Variants in IQSEC1 observed in about 807,000 individuals in gnomAD.
The protein encoded by IQSEC1 is IQ motif and Sec7 domain ArfGEF 1.
A neutral mutation model predicts 91.0 loss-of-function variants in IQSEC1; 31 were observed. That is an observed-to-expected ratio of 0.34 (90% CI 0.26 to 0.46). IQSEC1 has a LOEUF of 0.46. Among genes scored for constraint, IQSEC1 ranks in the 20% least tolerant of loss-of-function variants. The pLI is 1.00. For missense variants in IQSEC1, 1,388 were observed against 1,575.6 expected (o/e 0.88, Z 2.02); for synonymous variants, 699 against 662.6 (o/e 1.05, Z -0.84).
intron 1 of IQSEC1, among the ~76,000 whole-genome samples, chr3:13,199,399 T>A (rs1386729427): frequency 6.6e-6 from 1 of 152,204 alleles, no homozygotes; most frequent in Non-Finnish European, 1.5e-5. Flanking sequence ...GGGCACCCCC[T>A]GGGACAGGGG....
chr3:13,022,525 C>T (rs1703447155), intron 1 of IQSEC1: 2 of 941,636 alleles, frequency 2.1e-6, no homozygotes, highest in Non-Finnish European at 2.5e-6. Context: ...AGCTCAGCTG[C>T]CGGAGCCCAG....
intron 1 of IQSEC1, among the ~76,000 whole-genome samples, chr3:13,009,260 C>T (rs566395004): frequency 1.9e-4 from 29 of 152,302 alleles, no homozygotes; most frequent in African/African-American, 6.5e-4. Context: ...AATCCAGGAC[C>T]GGTGCCCGGA....
chr3:13,192,751 ACTT>A (rs1454869585), intron 1 of IQSEC1, among the ~76,000 whole-genome samples: 2 of 152,168 alleles, frequency 1.3e-5, no homozygotes, highest in Non-Finnish European at 2.9e-5. Context: ...CCCAAACTCC[ACTT>A]CTTGTGTAGA....
intron 2 of IQSEC1, among the ~76,000 whole-genome samples, chr3:13,093,334 G>C (rs759917632): frequency 1.3e-5 from 2 of 152,114 alleles, no homozygotes; most frequent in Non-Finnish European, 2.9e-5. Flanking sequence ...GCCTGCTGCA[G>C]GGATGCATGC....
chr3:13,267,620 T>TC (rs1695515726), intron 1 of IQSEC1, among the ~76,000 whole-genome samples: 1 of 149,142 alleles, frequency 6.7e-6, no homozygotes, highest in Non-Finnish European at 1.5e-5. Flanking sequence ...TTTTTCTTTT[T>TC]CTTTTTTTTT....
At chr3:13,003,432 CAT>C (rs1702510832) in intron 1 of IQSEC1, among the ~76,000 whole-genome samples, 1 of 152,004 alleles carries the variant, frequency 6.6e-6, no homozygotes, top group African/African-American at 2.4e-5. Context: ...CTCAGAAAGA[CAT>C]ATCTACAGAG....
intron 1 of IQSEC1, among the ~76,000 whole-genome samples, chr3:13,185,357 T>A (rs1669456246): frequency 6.6e-6 from 1 of 152,190 alleles, no homozygotes; most frequent in South Asian, 2.1e-4. Flanking sequence ...TGGTCACACC[T>A]GTCCTATTGC....
At chr3:13,033,563 C>T (rs1168843051) in intron 1 of IQSEC1, among the ~76,000 whole-genome samples, 8 of 152,068 alleles carry the variant, frequency 5.3e-5, no homozygotes, top group Non-Finnish European at 1.0e-4. Flanking sequence ...GGAATTGGCT[C>T]GTATGATTAC....
At chr3:13,265,413 C>G (rs935805862) in intron 1 of IQSEC1, among the ~76,000 whole-genome samples, 3 of 152,234 alleles carry the variant, frequency 2.0e-5, no homozygotes, top group Non-Finnish European at 4.4e-5. Flanking sequence ...CTCCCTCAAA[C>G]TCTGAGGTCT....
chr3:13,144,613 G>T (rs900780185), intron 2 of IQSEC1, among the ~76,000 whole-genome samples: 8 of 152,284 alleles, frequency 5.3e-5, no homozygotes, highest in Admixed American at 3.3e-4. Context: ...CACACCAGAG[G>T]CCTTTTCAGA....
chr3:13,083,959 C>G (rs531328289), intron 2 of IQSEC1, among the ~76,000 whole-genome samples: 5 of 152,246 alleles, frequency 3.3e-5, no homozygotes, highest in African/African-American at 9.6e-5. Flanking sequence ...AGCCTTCCCC[C>G]CATCCCCTAG....
rs949078422 is a variant in IQSEC1, at chr3:13,055,053, G to A, written c.23+17939C>T. Reference sequence around the variant, plus strand: ...CACAGAAGGCTCCTGTCCACCCACCGCCGGCCTTCCTGTCCTGGCTCTGGG... The same window carrying A: ...CACAGAAGGCTCCTGTCCACCCACCACCGGCCTTCCTGTCCTGGCTCTGGG... On this transcript the variant is annotated intron_variant, in intron 1 of 13. Coordinates refer to ENST00000613206, the MANE Select transcript of IQSEC1 (RefSeq NM_001134382.3). Among the ~76,000 whole-genome samples the A allele has an allele frequency of 3.3e-5, 5 of 152,194 alleles. No homozygotes were observed. The East Asian group carries it at 9.6e-4, about 29-fold the overall frequency.
chr3:12,987,972 C>A (rs1171625340), intron 1 of IQSEC1, among the ~76,000 whole-genome samples: 1 of 152,192 alleles, frequency 6.6e-6, no homozygotes, highest in Non-Finnish European at 1.5e-5. Flanking sequence ...TGCTTTACAG[C>A]CAGTATGTGC....
chr3:13,102,806 G>A (rs1706086624), intron 2 of IQSEC1, among the ~76,000 whole-genome samples: 1 of 152,122 alleles, frequency 6.6e-6, no homozygotes, highest in Non-Finnish European at 1.5e-5. Flanking sequence ...CCAGGAGGCG[G>A]GTACTGAGCA....
At chr3:13,100,766 C>T (rs1482127810) in intron 2 of IQSEC1, among the ~76,000 whole-genome samples, 1 of 148,922 alleles carries the variant, frequency 6.7e-6, no homozygotes, top group Non-Finnish European at 1.5e-5. Flanking sequence ...GGACACTGGT[C>T]TGGGCCATGG....
chr3:13,171,155 G>C (rs1375889780), intron 1 of IQSEC1, among the ~76,000 whole-genome samples: 1 of 152,056 alleles, frequency 6.6e-6, no homozygotes, highest in African/African-American at 2.4e-5. Flanking sequence ...TCTCCCTGAG[G>C]AAATCCGCAG....
intron 1 of IQSEC1, among the ~76,000 whole-genome samples, chr3:13,229,083 TAC>T (rs1316348073): frequency 6.6e-6 from 1 of 152,056 alleles, no homozygotes; most frequent in African/African-American, 2.4e-5. Context: ...ACCACTGGCA[TAC>T]ACACACACAC....
chr3:13,162,166 C>G (rs879571709), intron 2 of IQSEC1, among the ~76,000 whole-genome samples: 3 of 152,226 alleles, frequency 2.0e-5, no homozygotes, highest in Non-Finnish European at 2.9e-5. Context: ...GCAGGCTGTT[C>G]TCAGGGCGAC....
At chr3:12,995,540 C>T (rs1702194447) in intron 1 of IQSEC1, among the ~76,000 whole-genome samples, 1 of 152,204 alleles carries the variant, frequency 6.6e-6, no homozygotes, top group South Asian at 2.1e-4. Context: ...GTCATCTGCC[C>T]ACATTCACAC....
Sources: allele counts gnomAD v4.1 joint callset (sites outside exome capture counted in the v4.1 genomes callset), GRCh38; gene constraint gnomAD v4.1.1; transcripts MANE v1.5; gene names NCBI Gene and HGNC (gene_info 2026-07-23, HGNC 2026-07-21).